The following NHSL1 variants were observed in gnomAD, a reference collection of about 807,000 sequenced individuals.
The protein encoded by NHSL1 is NHS-like protein 1.
Under a neutral mutation model 95.0 loss-of-function variants are expected in NHSL1, and 48 were observed. The observed-to-expected ratio is 0.51, with a 90% CI of 0.40 to 0.64. NHSL1 has a LOEUF of 0.64. Among genes scored for constraint, NHSL1 ranks in the 30% least tolerant of loss-of-function variants. The pLI is 0.00. For synonymous variants in NHSL1, 783 were observed against 833.9 expected (o/e 0.94, Z 1.05); for missense variants, 1,971 against 2,077.7 (o/e 0.95, Z 1.00).
At chr6:138,676,569 G>A (rs143007080) in intron 1 of NHSL1, among the ~76,000 whole-genome samples, 3 of 152,300 alleles carry the variant, frequency 2.0e-5, no homozygotes, top group Admixed American at 2.0e-4. Flanking sequence ...AAGAACTTAA[G>A]CAGAAAGGGT....
chr6:138,477,771 G>A (rs183487053), intron 2 of NHSL1, among the ~76,000 whole-genome samples: 4 of 152,232 alleles, frequency 2.6e-5, no homozygotes, highest in African/African-American at 9.6e-5. Context: ...AATAAGAAGA[G>A]ACTGCTGGGC....
At position 138,610,881 on chromosome 6, in the gene NHSL1, C is replaced by T. The variant is rs138504929; in HGVS notation, c.96+81595G>A. 6.6e-3 allele frequency among the ~76,000 whole-genome samples: 1,000 copies of T among 152,100 alleles called. 10 individuals carry two copies. The highest frequency in any genetic ancestry group is 0.022 in the African/African-American group (930 of 41,492). Reference sequence around the variant, plus strand: ...TCACCTGAGGTCGGGAGTTCAAGACCAGCCTGACGAACGTGGTGAAATCCC... The same window carrying T: ...TCACCTGAGGTCGGGAGTTCAAGACTAGCCTGACGAACGTGGTGAAATCCC... On this transcript the variant is annotated intron_variant, in intron 1 of 3. Transcript: ENST00000491526.
intron 1 of NHSL1, among the ~76,000 whole-genome samples, chr6:138,530,562 C>G (rs9321664): frequency 0.022 from 3,298 of 152,188 alleles, 107 homozygotes; most frequent in African/African-American, 0.076. Flanking sequence ...TAAAGAAAAT[C>G]TGATATATAT....
Position 138,423,860 on chromosome 6 carries a change from C to A in NHSL1, c.*221G>T. 1.2e-5 allele frequency: 4 copies of A among 323,942 alleles called. No homozygotes were observed. Among genetic ancestry groups the A allele is most frequent in the Non-Finnish European group, 5.5e-6 (1 of 181,944 alleles). 20.1% of individuals were successfully genotyped at this position (323,942 alleles called of 1,614,324 possible). On this transcript the variant is annotated 3_prime_UTR_variant, in exon 8 of 8. Coordinates refer to ENST00000343505, the MANE Select transcript of NHSL1 (RefSeq NM_001144060.2). ...AAAAATCTTCCCCGGGAAGCACTTT[C>A]AGAAGTTTAAGCTTCTACTTGTTCT...
chr6:138,651,350 G>C (rs1336923012), intron 1 of NHSL1, among the ~76,000 whole-genome samples: 2 of 152,142 alleles, frequency 1.3e-5, no homozygotes, highest in Non-Finnish European at 2.9e-5. Context: ...GTTTTCCTTT[G>C]TATTTCTAAA....
intron 1 of NHSL1, among the ~76,000 whole-genome samples, chr6:138,622,930 G>A (rs1003294375): frequency 7.9e-5 from 12 of 152,114 alleles, no homozygotes; most frequent in African/African-American, 2.4e-4. Flanking sequence ...GGGCAGAGGC[G>A]ATAAAGTAGG....
Position 138,585,035 on chromosome 6 carries a change from G to A in NHSL1, c.97-88664C>T, listed in dbSNP as rs149963748. On this transcript the variant is annotated intron_variant, in intron 1 of 3. Coordinates refer to the NHSL1 transcript ENST00000491526. The stretch of plus-strand genomic sequence containing the variant: ...GAACCCCGGCATGCTACAGACACCC[G>A]GGCCTTTATTTCTTAGAGTTGTTAT... 5.5e-4 allele frequency among the ~76,000 whole-genome samples: 83 copies of A among 152,186 alleles called. No homozygotes were observed. In the East Asian group the frequency reaches 0.014, roughly 26 times the overall value.
At position 138,430,821 on chromosome 6, in the gene NHSL1, C is replaced by T. The variant is rs766876797; in HGVS notation, c.3524G>A (p.Arg1175Gln). 3.2e-6 allele frequency: 5 copies of T among 1,550,610 alleles called. No individual in the cohort carries two copies. Among genetic ancestry groups the T allele is most frequent in the East Asian group, 4.9e-5 (2 of 40,890 alleles). Reference protein sequence around the residue: ...GAPSAGEAEARPSPSTTPLPD... With the variant: ...GAPSAGEAEAQPSPSTTPLPD... ...GAGTGGGGTGGTGCTGGGGCTGGGCCGAGCCTCTGCCTCCCCAGCGCTTGG... is the reference window on the plus strand; with the variant it reads ...GAGTGGGGTGGTGCTGGGGCTGGGCTGAGCCTCTGCCTCCCCAGCGCTTGG... Residue 1175 changes from arginine (R) to glutamine (Q), a missense_variant, in exon 6 of 8, where the codon CGG becomes CAG. Physicochemically the swap from Arg to Gln is conservative, Grantham distance 43 (BLOSUM62 1). Around this residue, in one of 3 missense-constraint regions of NHSL1, gnomAD observed 1,602 missense variants for 1,654.5 expected, o/e 0.97. Transcript: ENST00000343505. This position sits in a 1 kb window ranked among gnomAD's most constrained non-coding sequence, Gnocchi z 4.7.
chr6:138,492,913 A>C (rs1316738369), intron 2 of NHSL1, among the ~76,000 whole-genome samples: 1 of 152,246 alleles, frequency 6.6e-6, no homozygotes, highest in Non-Finnish European at 1.5e-5. Context: ...TTTTAAGTAG[A>C]GAATGCTGAG....
At position 138,496,312 on chromosome 6, in the gene NHSL1, G is replaced by C. The variant is rs1458806503; in HGVS notation, c.118C>G (p.Gln40Glu). Residue 40 changes from glutamine to glutamate, a missense_variant, in exon 2 of 8, where the codon CAG becomes GAG. Gln to Glu is a conservative substitution (Grantham distance 29). Coordinates refer to ENST00000343505, the MANE Select transcript of NHSL1 (RefSeq NM_001144060.2). ...WTVHYTAPWH[Q>E]QENVFLPTTR... ...GTGGGAAGGAACACATTCTCCTGCT[G>C]GTGCCACGGGGCAGTGTAGTGGACT... 3 of 1,550,712 alleles carry C rather than the reference G, an allele frequency of 1.9e-6. No homozygotes were observed. The South Asian group carries it at 3.6e-5, about 18-fold the overall frequency.
At chr6:138,528,129 TAA>T (rs1781988342) in intron 1 of NHSL1, among the ~76,000 whole-genome samples, 1 of 152,222 alleles carries the variant, frequency 6.6e-6, no homozygotes, top group Non-Finnish European at 1.5e-5. Context: ...TTATTTGACA[TAA>T]TTATAAAGCT....
intron 1 of NHSL1, among the ~76,000 whole-genome samples, chr6:138,654,455 A>G (rs995872481): frequency 1.4e-4 from 21 of 152,338 alleles, no homozygotes; most frequent in Non-Finnish European, 2.5e-4. Flanking sequence ...TGTACATGCA[A>G]ACCAATAGAT....
At chr6:138,629,392 T>TC (rs964934463) in intron 1 of NHSL1, among the ~76,000 whole-genome samples, 17 of 152,072 alleles carry the variant, frequency 1.1e-4, no homozygotes, top group Non-Finnish European at 2.2e-4. Flanking sequence ...TTTCTTTCTT[T>TC]TTTTTTTGAG....
At position 138,431,332 on chromosome 6, in the gene NHSL1, G is replaced by A; in HGVS notation, c.3013C>T (p.Pro1005Ser). Residue 1005 changes from proline to serine, a missense_variant, in exon 6 of 8, where the codon CCT (proline) becomes TCT (serine). Pro to Ser is a moderately conservative substitution (Grantham distance 74). Around this residue, in one of 3 missense-constraint regions of NHSL1, gnomAD observed 1,602 missense variants for 1,654.5 expected, o/e 0.97. Coordinates refer to ENST00000343505, the MANE Select transcript of NHSL1 (RefSeq NM_001144060.2). The surrounding 1 kb of genome is among the most constrained non-coding windows in gnomAD (Gnocchi z 4.0). ...GGTGGGGGCAATGGCAAGGACACAG[G>A]TGAATCTGGAAGAATGGGGCTCAGT... ...PALSPILPDS[P>S]VSLPLPPPLL... The A allele has an allele frequency of 8.5e-6, 13 of 1,523,984 alleles. No homozygotes were observed. The highest frequency in any genetic ancestry group is 8.8e-6 in the Non-Finnish European group (10 of 1,132,886). The allele number at this position is 1,523,984 out of a possible 1,614,324, so 94.4% of individuals were successfully genotyped here.
chr6:138,668,537 A>G (rs1038390766), intron 1 of NHSL1, among the ~76,000 whole-genome samples: 5 of 152,230 alleles, frequency 3.3e-5, no homozygotes, highest in Non-Finnish European at 5.9e-5. Flanking sequence ...CCCCATAAAC[A>G]TATGCAATTA....
At chr6:138,502,827 T>C (rs114112097), upstream of NHSL1, among the ~76,000 whole-genome samples, 352 of 152,318 alleles carry the variant, frequency 2.3e-3, 1 homozygote, top group Middle Eastern at 0.014. Flanking sequence ...AGAGTTATTA[T>C]TGATAAACTC....
upstream of NHSL1, among the ~76,000 whole-genome samples, chr6:138,574,001 T>A (rs547987075): frequency 1.2e-3 from 187 of 152,298 alleles, no homozygotes; most frequent in South Asian, 8.5e-3. Context: ...TGCAGTGGCA[T>A]GATGCAAGCT....
At chr6:138,427,960 C>T (rs546383353) in intron 7 of NHSL1, among the ~76,000 whole-genome samples, 6 of 152,348 alleles carry the variant, frequency 3.9e-5, no homozygotes, top group Non-Finnish European at 8.8e-5. Flanking sequence ...TTCTCTCATA[C>T]GTGCACTGAG....
intron 1 of NHSL1, among the ~76,000 whole-genome samples, chr6:138,635,758 C>CA (rs1255035850): frequency 6.6e-6 from 1 of 151,952 alleles, no homozygotes; most frequent in Non-Finnish European, 1.5e-5. Flanking sequence ...AACTACAGAA[C>CA]AATATCTCTG....
Sources: allele counts gnomAD v4.1 joint callset (sites outside exome capture counted in the v4.1 genomes callset), GRCh38; gene constraint gnomAD v4.1.1; regional missense constraint gnomAD v4.1.1; non-coding constraint Gnocchi (gnomAD v3.1); transcripts MANE v1.5; gene names NCBI Gene and HGNC (gene_info 2026-07-23, HGNC 2026-07-21).